The following CSMD1 variants were observed in gnomAD, a reference collection of about 807,000 sequenced individuals.
CSMD1 encodes CUB and sushi domain-containing protein 1.
In CSMD1, 213 loss-of-function variants were observed where a neutral mutation model predicts 417.5. The observed-to-expected ratio is 0.51, with a 90% CI of 0.46 to 0.57. The LOEUF (loss-of-function observed/expected upper bound fraction) is 0.57. CSMD1 is among the 20% of genes least tolerant of loss of function. The probability of loss-of-function intolerance (pLI) is 0.00; values close to 1 mark genes in which losing one functional copy is unlikely to be tolerated. For synonymous variants in CSMD1, 2,862 were observed against 1,736.8 expected, an observed-to-expected ratio of 1.65 and a Z score of -16.11; for missense variants, 6,923 against 4,529.7, an observed-to-expected ratio of 1.53 and a Z score of -15.17.
intron 2 of CSMD1, among the ~76,000 whole-genome samples, chr8:4,595,278 A>T (rs551501990): frequency 1.4e-5 from 2 of 147,958 alleles, no homozygotes; most frequent in South Asian, 4.2e-4. Flanking sequence ...GTATAATATG[A>T]TAAATAAAAA....
At chr8:4,735,379 C>A (rs895428652) in intron 1 of CSMD1, among the ~76,000 whole-genome samples, 1 of 152,148 alleles carries the variant, frequency 6.6e-6, no homozygotes, top group Admixed American at 6.5e-5. Flanking sequence ...TTGTCTTTCT[C>A]TCATCAATTT....
chr8:3,675,595 C>T (rs535041781), intron 7 of CSMD1, among the ~76,000 whole-genome samples: 3 of 152,068 alleles, frequency 2.0e-5, no homozygotes, highest in East Asian at 1.9e-4. Flanking sequence ...GGTTGATACC[C>T]CATGATGAGA....
intron 49 of CSMD1, among the ~76,000 whole-genome samples, chr8:3,076,209 G>A (rs894322304): frequency 2.7e-5 from 4 of 150,720 alleles, no homozygotes; most frequent in African/African-American, 4.9e-5. Context: ...AGGTGTCGGC[G>A]GGGCTGGTTC....
chr8:4,060,562 C>T (rs912382643), intron 3 of CSMD1, among the ~76,000 whole-genome samples: 12 of 152,182 alleles, frequency 7.9e-5, no homozygotes, highest in Admixed American at 3.9e-4. Context: ...GTTAACAGTG[C>T]GAATGAGTTC....
chr8:4,125,027 G>T (rs1268285527), intron 3 of CSMD1, among the ~76,000 whole-genome samples: 4 of 152,008 alleles, frequency 2.6e-5, no homozygotes, highest in Non-Finnish European at 4.4e-5. Context: ...CACACTCTTG[G>T]GGTCCGCACG....
intron 12 of CSMD1, among the ~76,000 whole-genome samples, chr8:3,446,128 G>C (rs1422930009): frequency 1.3e-5 from 2 of 152,064 alleles, no homozygotes; most frequent in Non-Finnish European, 2.9e-5. Flanking sequence ...TGTTGTAATA[G>C]AATTGACTGC....
At chr8:4,184,548 T>C (rs758124683) in intron 3 of CSMD1, among the ~76,000 whole-genome samples, 21 of 152,096 alleles carry the variant, frequency 1.4e-4, no homozygotes, top group Non-Finnish European at 7.4e-5. Context: ...AGGACAAGAT[T>C]ATGTCCTTTG....
At chr8:3,241,990 C>T (rs894464951) in intron 26 of CSMD1, among the ~76,000 whole-genome samples, 7 of 97,724 alleles carry the variant, frequency 7.2e-5, no homozygotes, top group African/African-American at 2.4e-4. Context: ...CTTTTAGGGT[C>T]TAGGGCTGTA....
chr8:4,889,076 A>T (rs111938031), intron 1 of CSMD1, among the ~76,000 whole-genome samples: 25 of 152,232 alleles, frequency 1.6e-4, no homozygotes, highest in African/African-American at 5.8e-4. Flanking sequence ...AAGCCCAGTG[A>T]ATGAACGTTT....
chr8:4,394,977 TAAGAA>T (rs1412808763), intron 3 of CSMD1, among the ~76,000 whole-genome samples: 1 of 152,154 alleles, frequency 6.6e-6, no homozygotes, highest in East Asian at 1.9e-4. Context: ...AATTCACAGT[TAAGAA>T]AGGGAAGAGG....
chr8:3,464,071 T>A (rs1816666795), intron 12 of CSMD1, among the ~76,000 whole-genome samples: 2 of 152,244 alleles, frequency 1.3e-5, no homozygotes, highest in African/African-American at 4.8e-5. Flanking sequence ...GGTCTTGTTT[T>A]GACTATACAG....
intron 4 of CSMD1, among the ~76,000 whole-genome samples, chr8:4,030,877 T>C (rs1169380622): frequency 6.6e-6 from 1 of 152,172 alleles, no homozygotes. Flanking sequence ...ATACCCCAAA[T>C]CATCTCTCTC....
chr8:4,273,982 C>T (rs1049968397), intron 3 of CSMD1, among the ~76,000 whole-genome samples: 1 of 152,124 alleles, frequency 6.6e-6, no homozygotes, highest in African/African-American at 2.4e-5. Flanking sequence ...ATTTGTATTG[C>T]TATCAGTGAT....
intron 7 of CSMD1, among the ~76,000 whole-genome samples, chr8:3,620,813 C>A (rs1241859788): frequency 1.3e-5 from 2 of 152,106 alleles, no homozygotes; most frequent in Non-Finnish European, 2.9e-5. Context: ...GTCAGAGCTA[C>A]CCTTTAAATA....
At chr8:4,150,688 G>A (rs576341248) in intron 3 of CSMD1, among the ~76,000 whole-genome samples, 4 of 152,112 alleles carry the variant, frequency 2.6e-5, no homozygotes. Flanking sequence ...TTTAGCATTT[G>A]GTTTAGAACC....
intron 6 of CSMD1, among the ~76,000 whole-genome samples, chr8:3,730,331 A>T (rs1416612005): frequency 1.3e-5 from 2 of 150,252 alleles, no homozygotes; most frequent in Non-Finnish European, 3.0e-5. Flanking sequence ...GAACACACTG[A>T]TGCATTCTCC....
intron 7 of CSMD1, among the ~76,000 whole-genome samples, chr8:3,661,918 T>C (rs758934952): frequency 2.6e-5 from 4 of 152,096 alleles, no homozygotes; most frequent in African/African-American, 4.8e-5. Context: ...AGCAAATTTA[T>C]AGCAAAGAGG....
At chr8:3,354,246 C>T (rs1007356072) in intron 21 of CSMD1, among the ~76,000 whole-genome samples, 24 of 152,216 alleles carry the variant, frequency 1.6e-4, no homozygotes, top group Non-Finnish European at 7.4e-5. Flanking sequence ...TAAATAACCT[C>T]GAGCCTATAC....
chr8:4,372,058 T>C (rs1802430255), intron 3 of CSMD1, among the ~76,000 whole-genome samples: 1 of 152,228 alleles, frequency 6.6e-6, no homozygotes, highest in African/African-American at 2.4e-5. Flanking sequence ...GGGGTGAACA[T>C]GGCAGTAGGT....
Sources: allele counts gnomAD v4.1 joint callset (sites outside exome capture counted in the v4.1 genomes callset), GRCh38; gene constraint gnomAD v4.1.1; transcripts MANE v1.5; gene names NCBI Gene and HGNC (gene_info 2026-07-23, HGNC 2026-07-21).